PC: variants seen among roughly 807,000 people sequenced by gnomAD.
PC encodes pyruvate carboxylase, also known as pyruvate carboxylase, mitochondrial.
Under a neutral mutation model 107.8 loss-of-function variants are expected in PC, and 46 were observed. The observed-to-expected ratio is 0.43, with a 90% CI of 0.34 to 0.55. The LOEUF is 0.55. PC is among the 20% of genes least tolerant of loss of function. The probability of loss-of-function intolerance (pLI) is 0.04; values close to 1 mark genes in which losing one functional copy is unlikely to be tolerated. For missense variants in PC, 1,241 were observed against 1,643.1 expected (o/e 0.76, Z 4.23); for synonymous variants, 662 against 684.7 (o/e 0.97, Z 0.52).
At chr11:66,898,461 C>T (rs928846939) in intron 3 of PC, among the ~76,000 whole-genome samples, 2 of 152,190 alleles carry the variant, frequency 1.3e-5, no homozygotes, top group Non-Finnish European at 2.9e-5. Context: ...GGGCAGATCA[C>T]TTGAAGTCAG....
In PC at chr11:66,858,128, C is replaced by T. The variant is rs375030420; in HGVS notation, c.1369-4745G>A. 3.1e-6 allele frequency: 5 copies of T among 1,610,458 alleles called. No individual in the cohort carries two copies. The highest frequency in any genetic ancestry group is 1.7e-5 in the Admixed American group (1 of 59,976). ...TCAATCTGCAGCACCTCATCCTCAG[C>T]GGCAACCAGCTGGGCCGCATCGCGC... is the stretch of plus-strand genomic sequence containing the variant. On this transcript the variant is annotated intron_variant, in intron 12 of 22. Coordinates refer to ENST00000393960, the MANE Select transcript of PC (RefSeq NM_001040716.2). This position sits in a 1 kb window ranked among gnomAD's most constrained non-coding sequence, Gnocchi z 5.9.
intron 16 of PC, 79 bp downstream of exon 16, chr11:66,851,711 G>A (rs1008672703): frequency 3.5e-6 from 5 of 1,444,518 alleles, no homozygotes; most frequent in Non-Finnish European, 4.9e-6. Context: ...TGACCGTGGA[G>A]AACAGAGGCC....
intron 3 of PC, among the ~76,000 whole-genome samples, chr11:66,904,204 C>A (rs1189205881): frequency 6.6e-6 from 1 of 152,062 alleles, no homozygotes; most frequent in Admixed American, 6.6e-5. Context: ...ATCTCCTGCC[C>A]CACCCCTCCT....
chr11:66,857,668 T>C lies in PC; in HGVS notation c.1369-4285A>G. The C allele has an allele frequency of 6.9e-7, 1 of 1,453,386 alleles. No individual in the cohort carries two copies. Among genetic ancestry groups the C allele is most frequent in the African/African-American group, 1.4e-5 (1 of 71,020 alleles). 90.0% of individuals were successfully genotyped at this position (1,453,386 alleles called of 1,614,324 possible). On this transcript the variant is annotated intron_variant, in intron 12 of 22. Coordinates refer to ENST00000393960, the MANE Select transcript of PC (RefSeq NM_001040716.2). This position sits in a 1 kb window ranked among gnomAD's most constrained non-coding sequence, Gnocchi z 7.1. ...GCTCACAGAAGCTGGCTTCTGGGAC[T>C]GTCCTGGGCCCAAGTGGGCACCTGC...
chr11:66,867,826 C>T (rs1344197896), intron 10 of PC, among the ~76,000 whole-genome samples: 3 of 152,274 alleles, frequency 2.0e-5, no homozygotes, highest in Non-Finnish European at 4.4e-5. Context: ...TGTCTCTAAG[C>T]TTCTCCTAAG....
chr11:66,913,650 G>GAA (rs1166092226), intron 3 of PC, among the ~76,000 whole-genome samples: 30 of 121,346 alleles, frequency 2.5e-4, no homozygotes, highest in African/African-American at 9.4e-4. Context: ...CAACAAGAGA[G>GAA]AAACTCTGTC....
chr11:66,916,158 G>A (rs146105829), intron 3 of PC, among the ~76,000 whole-genome samples: 339 of 152,328 alleles, frequency 2.2e-3, no homozygotes, highest in African/African-American at 7.5e-3. Flanking sequence ...ACTTGGCCCA[G>A]CCCCTGTGGT....
intron 3 of PC, among the ~76,000 whole-genome samples, chr11:66,886,366 T>C (rs1358678143): frequency 2.0e-5 from 3 of 151,960 alleles, no homozygotes; most frequent in Non-Finnish European, 4.4e-5. Context: ...CCAGAGCTAG[T>C]GGGCCCCACC....
In PC at chr11:66,870,390, T is replaced by C. The variant is rs1591186383; in HGVS notation, c.815A>G (p.Gln272Arg). The change falls in exon 9 of 23, where the codon CAG becomes CGG. Residue 272 changes from glutamine to arginine, a missense_variant. Transcript: ENST00000393960. The surrounding 1 kb of genome is among the most constrained non-coding windows in gnomAD (Gnocchi z 6.1). ...ERDCSIQRRH[Q>R]KVVEIAPAAH... ...GGCGGGGGCAATCTCGACCACCTTC[T>C]GGTGCCGCCGCTGGATGGAGCAGTC... The C allele has an allele frequency of 6.2e-7, 1 of 1,613,670 alleles. No individual in the cohort carries two copies. Among genetic ancestry groups the C allele is most frequent in the Non-Finnish European group, 8.5e-7 (1 of 1,180,004 alleles).
chr11:66,917,025 G>A (rs529655533), intron 3 of PC, among the ~76,000 whole-genome samples: 1 of 151,988 alleles, frequency 6.6e-6, no homozygotes, highest in South Asian at 2.1e-4. Flanking sequence ...TCATGACCCT[G>A]AGCAAATCAT....
intron 13 of PC, 97 bp downstream of exon 13, chr11:66,853,142 G>A: frequency 1.4e-6 from 2 of 1,403,722 alleles, no homozygotes; most frequent in East Asian, 2.3e-5. Context: ...GGGGCACTAA[G>A]GAGTTCTTTG....
Position 66,851,953 on chromosome 11 carries a change from A to C in PC, c.1826-7T>G. On this transcript the variant is annotated splice_region_variant and splice_polypyrimidine_tract_variant and intron_variant, in intron 15 of 22. Transcript: ENST00000393960. ...GCGACGTCAAACGTGGCTCCTGCAC[A>C]GGAACCGAGAGGCCCAGATCAGCTC... is the stretch of plus-strand genomic sequence containing the variant. 6.2e-7 allele frequency: 1 copy of C among 1,613,592 alleles called. No individual in the cohort carries two copies. The highest frequency in any genetic ancestry group is 1.3e-5 in the African/African-American group (1 of 75,048).
chr11:66,956,914 C>G (rs1192492298), intron 1 of PC, among the ~76,000 whole-genome samples: 1 of 152,244 alleles, frequency 6.6e-6, no homozygotes, highest in African/African-American at 2.4e-5. Context: ...TCTCTCTCCC[C>G]CAATGGGTTT....
chr11:66,921,904 T>C lies in PC; in HGVS notation c.-1+30526A>G, dbSNP rs189854059. On this transcript the variant is annotated intron_variant, in intron 3 of 22. Transcript: ENST00000393960. ...TTCTAATCTCGTTTTCCCCACACTT[T>C]GGAACTGTCCCTGAGATCTGACTGT... is the stretch of plus-strand genomic sequence containing the variant. Among the ~76,000 whole-genome samples, 183 of 152,320 alleles carry C rather than the reference T, an allele frequency of 1.2e-3. 1 individual carries two copies. Among genetic ancestry groups the C allele is most frequent in the African/African-American group, 4.3e-3 (177 of 41,568 alleles).
chr11:66,848,614 C>A lies in PC; in HGVS notation c.*285G>T. The A allele has an allele frequency of 1.7e-6, 1 of 601,780 alleles. No homozygotes were observed. Among genetic ancestry groups the A allele is most frequent in the Non-Finnish European group, 3.0e-6 (1 of 337,162 alleles). The allele number at this position is 601,780 out of a possible 1,614,324, so 37.3% of individuals were successfully genotyped here. ...TCCCCCAGGAGATAGGACCCCTAAACCTCCCCTGGGTCCTAGGACCACCTG... is the reference window on the plus strand; with the variant it reads ...TCCCCCAGGAGATAGGACCCCTAAAACTCCCCTGGGTCCTAGGACCACCTG... On this transcript the variant is annotated 3_prime_UTR_variant, in exon 23 of 23. Coordinates refer to ENST00000393960, the MANE Select transcript of PC (RefSeq NM_001040716.2).
rs1946084841 is a variant in PC at position 66,859,155 on chromosome 11, C to T, written c.1368+4619G>A. On this transcript the variant is annotated intron_variant, in intron 12 of 22. Coordinates refer to ENST00000393960, the MANE Select transcript of PC (RefSeq NM_001040716.2). Reference sequence around the variant, plus strand: ...GCGCCCTTCCTCCGCCCTCTGCTCCCCACAAGGCTTTGCTTCCACCCCTCC... The same window carrying T: ...GCGCCCTTCCTCCGCCCTCTGCTCCTCACAAGGCTTTGCTTCCACCCCTCC... 5 of 1,462,040 alleles carry T rather than the reference C, an allele frequency of 3.4e-6. No individual in the cohort carries two copies. The East Asian group carries it at 1.2e-4, about 36-fold the overall frequency. The allele number at this position is 1,462,040 out of a possible 1,614,324, so 90.6% of individuals were successfully genotyped here.
At position 66,866,078 on chromosome 11, in the gene PC, G is replaced by T; in HGVS notation, c.1185+109C>A. 1 of 1,245,934 alleles carries T rather than the reference G, an allele frequency of 8.0e-7. No individual in the cohort carries two copies. The highest frequency in any genetic ancestry group is 1.1e-6 in the Non-Finnish European group (1 of 880,242). The allele number at this position is 1,245,934 out of a possible 1,614,324, so 77.2% of individuals were successfully genotyped here. On this transcript the variant is annotated intron_variant, in intron 11 of 22. Transcript: ENST00000393960. The surrounding 1 kb of genome is among the most constrained non-coding windows in gnomAD (Gnocchi z 5.4). ...ATGTCCACTTCAGAGCCCACATGCG[G>T]GTCCTCCCTAACTGCCGGGCTGTGG...
Position 66,857,772 on chromosome 11 carries a change from C to T in PC, c.1369-4389G>A, listed in dbSNP as rs1248327775. 2.5e-6 allele frequency: 4 copies of T among 1,595,038 alleles called. No individual in the cohort carries two copies. In the East Asian group the frequency reaches 8.9e-5, roughly 36 times the overall value. On this transcript the variant is annotated intron_variant, in intron 12 of 22. Coordinates refer to ENST00000393960, the MANE Select transcript of PC (RefSeq NM_001040716.2). The surrounding 1 kb of genome is among the most constrained non-coding windows in gnomAD (Gnocchi z 7.1). The stretch of plus-strand genomic sequence containing the variant: ...GGCCCCGCCGCTCCTGCTGCTGCTG[C>T]TGGCCAGTGGAGCGGCCGCCTGCCC...
chr11:66,853,351 G>T lies in PC; in HGVS notation c.1401C>A (p.Asn467Lys). The change falls in exon 13 of 23, where the codon AAC becomes AAA. Residue 467 changes from asparagine to lysine, a missense_variant. Asn to Lys is a moderately conservative substitution (Grantham distance 94, BLOSUM62 0). Transcript: ENST00000393960. The stretch of plus-strand genomic sequence containing the variant: ...CAGTGCCTGCCAGGAACTGCTGGTT[G>T]TTGAGCACATTCTGCAGGAAGGCGA... The part of the protein sequence containing the change: ...TNIAFLQNVL[N>K]NQQFLAGTVD... 6.2e-7 allele frequency: 1 copy of T among 1,613,506 alleles called. No homozygotes were observed. Among genetic ancestry groups the T allele is most frequent in the Non-Finnish European group, 8.5e-7 (1 of 1,179,552 alleles).
Sources: gnomAD v4.1 joint callset for allele counts (sites outside exome capture counted in the v4.1 genomes callset) on GRCh38, gnomAD v4.1.1 for gene constraint, Gnocchi (gnomAD v3.1) non-coding constraint, MANE v1.5 for transcripts, NCBI Gene and HGNC (gene_info 2026-07-23, HGNC 2026-07-21) for gene names.